Variants in HSPA4L observed in about 807,000 individuals in gnomAD.
HSPA4L encodes the protein heat shock protein family A (Hsp70) member 4 like.
In HSPA4L, 48 loss-of-function variants were observed where a neutral mutation model predicts 100.3. That is an observed-to-expected ratio of 0.48 (90% CI 0.38 to 0.61). The LOEUF is 0.61. HSPA4L is among the 20% of genes least tolerant of loss of function. The probability of loss-of-function intolerance (pLI) is 0.00; values close to 1 mark genes in which losing one functional copy is unlikely to be tolerated. For missense variants in HSPA4L, 886 were observed against 988.6 expected (o/e 0.90, Z 1.39); for synonymous variants, 319 against 328.2 (o/e 0.97, Z 0.30).
rs1039024540 is a variant in HSPA4L, at chr4:127,823,658, C to A, written c.2046+34C>A. ...TTTTAAAGTCCATGTTAGTATAAAC[C>A]AGTAACTTTTTCTAAAAATTAGGGT... On this transcript the variant is annotated intron_variant, in intron 16 of 18. Coordinates refer to ENST00000296464, the MANE Select transcript of HSPA4L (RefSeq NM_014278.4). 4 of 1,370,528 alleles carry A rather than the reference C, an allele frequency of 2.9e-6. No homozygotes were observed. In the African/African-American group the frequency reaches 5.8e-5, roughly 20 times the overall value. The allele number at this position is 1,370,528 out of a possible 1,614,324, so 84.9% of individuals were successfully genotyped here.
chr4:127,825,660 A>G (rs1268279537), intron 16 of HSPA4L, among the ~76,000 whole-genome samples: 1 of 152,128 alleles, frequency 6.6e-6, no homozygotes, highest in Admixed American at 6.5e-5. Context: ...GCAGTAGCTC[A>G]TACCTGTAAT....
chr4:127,808,987 C>G (rs1733445179), intron 11 of HSPA4L, among the ~76,000 whole-genome samples: 1 of 151,852 alleles, frequency 6.6e-6, no homozygotes, highest in South Asian at 2.1e-4. Flanking sequence ...TACTGAAAAA[C>G]TTTAATTGGT....
At position 127,839,775 on chromosome 4, in the gene HSPA4L, A is replaced by ACTT. The variant is rs1341126016; in HGVS notation, c.*6902_*6904dup. 6.6e-6 allele frequency: 1 copy of ACTT among 152,148 alleles called. No homozygotes were observed. The highest frequency in any genetic ancestry group is 1.5e-5 in the Non-Finnish European group (1 of 68,028). The allele number at this position is 152,148 out of a possible 1,614,324, so 9.4% of individuals were successfully genotyped here. A position where few individuals can be genotyped will look rare whatever the true frequency, so the allele number is the denominator to read the frequency against. ...ATGTTGTATTTTTTCCCTGAAATAAACTTTTATGATTTAATGTCTTGGAAA... is the reference window on the plus strand; with the variant it reads ...ATGTTGTATTTTTTCCCTGAAATAAACTTCTTTTATGATTTAATGTCTTGGAAA... On this transcript the variant is annotated 3_prime_UTR_variant, in exon 19 of 19. Transcript: ENST00000296464.
intron 5 of HSPA4L, among the ~76,000 whole-genome samples, 170 bp from the exon 6 acceptor site, chr4:127,801,615 G>GA (rs1179320286): frequency 6.6e-6 from 1 of 151,884 alleles, no homozygotes; most frequent in Non-Finnish European, 1.5e-5. Flanking sequence ...GATGAGTAAG[G>GA]AAAAAATAAA....
At chr4:127,809,570 T>C in intron 11 of HSPA4L, 2 of 684,120 alleles carry the variant, frequency 2.9e-6, no homozygotes, top group Non-Finnish European at 2.7e-6. Flanking sequence ...TTCAAAATTT[T>C]GGTGAACTTT....
At chr4:127,824,595 A>G (rs1437381263) in intron 16 of HSPA4L, among the ~76,000 whole-genome samples, 2 of 152,224 alleles carry the variant, frequency 1.3e-5, no homozygotes, top group Non-Finnish European at 1.5e-5. Context: ...AGTGATAAGT[A>G]TATCATCTTG....
chr4:127,834,400 C>T lies in HSPA4L; in HGVS notation c.*1526C>T, dbSNP rs1250580375. On this transcript the variant is annotated 3_prime_UTR_variant, in exon 19 of 19. Transcript: ENST00000296464. Reference sequence around the variant, plus strand: ...ATTATTTCTCACAACTAGTTCTCTACGAGAGATTTTGTTTCTACAATGTAG... The same window carrying T: ...ATTATTTCTCACAACTAGTTCTCTATGAGAGATTTTGTTTCTACAATGTAG... 2.0e-5 allele frequency: 3 copies of T among 152,108 alleles called. No homozygotes were observed. The highest frequency in any genetic ancestry group is 7.2e-5 in the African/African-American group (3 of 41,436). 9.4% of individuals were successfully genotyped at this position (152,108 alleles called of 1,614,324 possible).
At chr4:127,817,817 C>T (rs1279134777) in intron 12 of HSPA4L, among the ~76,000 whole-genome samples, 1 of 151,950 alleles carries the variant, frequency 6.6e-6, no homozygotes, top group African/African-American at 2.4e-5. Flanking sequence ...TATTTATAAA[C>T]ATCTTTCATA....
In HSPA4L at chr4:127,821,736, C is replaced by T. The variant is rs555238602; in HGVS notation, c.1813-1033C>T. On this transcript the variant is annotated intron_variant, in intron 14 of 18. Transcript: ENST00000296464. ...CCCCCGCAAGGCTTTTATTCATTAC[C>T]AGTTATGTGTCAAACATGGAACTAA... Among the ~76,000 whole-genome samples, 11 of 152,216 alleles carry T rather than the reference C, an allele frequency of 7.2e-5. No individual in the cohort carries two copies. The East Asian group carries it at 1.9e-3, about 27-fold the overall frequency.
chr4:127,782,034 A>G (rs1437840012), upstream of HSPA4L: 1 of 454,660 alleles, frequency 2.2e-6, no homozygotes, highest in Non-Finnish European at 4.4e-6. Flanking sequence ...CCGACGTCCT[A>G]CTGCCGAGCG....
At chr4:127,799,777 C>T (rs1733124942) in intron 4 of HSPA4L, among the ~76,000 whole-genome samples, 1 of 152,130 alleles carries the variant, frequency 6.6e-6, no homozygotes, top group Admixed American at 6.5e-5. Context: ...TCTACAGGGA[C>T]AAGTATTTTG....
chr4:127,824,475 A>T (rs1481176263), intron 16 of HSPA4L, among the ~76,000 whole-genome samples: 6 of 152,246 alleles, frequency 3.9e-5, no homozygotes, highest in Non-Finnish European at 8.8e-5. Context: ...CAGCAATGCT[A>T]TATAATTGAA....
chr4:127,800,117 C>T (rs1461127416), intron 4 of HSPA4L, among the ~76,000 whole-genome samples: 3 of 152,142 alleles, frequency 2.0e-5, no homozygotes, highest in Non-Finnish European at 1.5e-5. Flanking sequence ...TGTATACATA[C>T]GTACATCTTT....
In HSPA4L at chr4:127,814,642, G is replaced by A. The variant is rs139076887; in HGVS notation, c.1578+3006G>A. On this transcript the variant is annotated intron_variant, in intron 12 of 18. Coordinates refer to ENST00000296464, the MANE Select transcript of HSPA4L (RefSeq NM_014278.4). Reference sequence around the variant, plus strand: ...GAGTGCAGTGGCACAATCTCGGCTCGTTGCAACCTCCACCTCCCAGGTTCA... The same window carrying A: ...GAGTGCAGTGGCACAATCTCGGCTCATTGCAACCTCCACCTCCCAGGTTCA... 5.7e-3 allele frequency among the ~76,000 whole-genome samples: 869 copies of A among 151,812 alleles called. 9 individuals are homozygous for A. The highest frequency in any genetic ancestry group is 0.02 in the Middle Eastern group (6 of 294).
upstream of HSPA4L, chr4:127,781,829 C>T: frequency 3.8e-6 from 1 of 265,650 alleles, no homozygotes; most frequent in Middle Eastern, 7.0e-4. Flanking sequence ...ACATGGGCCC[C>T]TCGGGGAGGC....
chr4:127,789,629 CAG>C (rs1160398894), intron 1 of HSPA4L, among the ~76,000 whole-genome samples: 2 of 148,174 alleles, frequency 1.3e-5, no homozygotes, highest in Non-Finnish European at 3.0e-5. Flanking sequence ...GCCTGGGCGA[CAG>C]AGCGAGATTC....
At position 127,803,853 on chromosome 4, in the gene HSPA4L, T is replaced by C. The variant is rs774269480; in HGVS notation, c.888T>C (p.Asp296=). 74 of 1,613,718 alleles carry C rather than the reference T, an allele frequency of 4.6e-5. No individual in the cohort carries two copies. The highest frequency in any genetic ancestry group is 6.1e-5 in the Non-Finnish European group (72 of 1,179,820). The part of the protein sequence containing the change: ...LNIECFMNDL[D]VSSKMNRAQF... ...TTGAGTGTTTCATGAATGACCTTGA[T>C]GTTTCTAGTAAAATGAACAGGTACC... Residue 296 remains aspartate (D), a synonymous_variant, in exon 7 of 19, where the codon GAT becomes GAC. Coordinates refer to ENST00000296464, the MANE Select transcript of HSPA4L (RefSeq NM_014278.4).
At chr4:127,798,514 A>G in intron 3 of HSPA4L, 73 bp from the exon 4 acceptor site, 1 of 1,431,904 alleles carries the variant, frequency 7.0e-7, no homozygotes, top group African/African-American at 1.4e-5. Flanking sequence ...TATCACATAT[A>G]CAGTAGGTGC....
At chr4:127,783,401 A>C (rs370612915) in intron 1 of HSPA4L, 1 of 961,108 alleles carries the variant, frequency 1.0e-6, no homozygotes, top group South Asian at 2.3e-5. Context: ...GTTTCTGCAG[A>C]GTGAATTGCC....
Sources: gnomAD v4.1 joint callset for allele counts (sites outside exome capture counted in the v4.1 genomes callset) on GRCh38, gnomAD v4.1.1 for gene constraint, MANE v1.5 for transcripts, NCBI Gene and HGNC (gene_info 2026-07-23, HGNC 2026-07-21) for gene names.